The following SWT1 variants were observed in gnomAD, a reference collection of about 807,000 sequenced individuals.
SWT1 encodes the protein transcriptional protein SWT1.
Under a neutral mutation model 107.3 loss-of-function variants are expected in SWT1, and 33 were observed. That is an observed-to-expected ratio of 0.31 (90% CI 0.23 to 0.41). SWT1 has a LOEUF of 0.41. Among genes scored for constraint, SWT1 ranks in the 10% least tolerant of loss-of-function variants. The probability of loss-of-function intolerance (pLI) is 1.00; values close to 1 mark genes in which losing one functional copy is unlikely to be tolerated. For missense variants in SWT1, 898 were observed against 1,028.9 expected, an observed-to-expected ratio of 0.87 and a Z score of 1.74; for synonymous variants, 345 against 348.3, an observed-to-expected ratio of 0.99 and a Z score of 0.11.
rs1419219652 is a variant in SWT1 at position 185,246,652 on chromosome 1, G to T, written c.2441+14944G>T. Among the ~76,000 whole-genome samples the T allele has an allele frequency of 8.0e-4, 112 of 140,610 alleles. 1 individual carries two copies. The highest frequency in any genetic ancestry group is 3.5e-3 in the Middle Eastern group (1 of 282). 92.2% of individuals were successfully genotyped at this position (140,610 alleles called of 152,430 possible). A position where few individuals can be genotyped will look rare whatever the true frequency, so the allele number is the denominator to read the frequency against. ...TTTTTTTTTTTTTTTTTTAATAGAG[G>T]GGGGTCTCACTTTGTCATCCAGGCT... On this transcript the variant is annotated intron_variant, in intron 16 of 18. Coordinates refer to ENST00000367500, the MANE Select transcript of SWT1 (RefSeq NM_017673.7).
chr1:185,212,908 A>C (rs1386382608), intron 13 of SWT1, among the ~76,000 whole-genome samples: 1 of 152,134 alleles, frequency 6.6e-6, no homozygotes, highest in African/African-American at 2.4e-5. Flanking sequence ...CTGTTGAATT[A>C]TATATTTGTT....
chr1:185,237,621 A>G (rs1298477933), intron 16 of SWT1, among the ~76,000 whole-genome samples: 1 of 152,184 alleles, frequency 6.6e-6, no homozygotes, highest in East Asian at 1.9e-4. Flanking sequence ...TGGGTGCAGG[A>G]AACCACAATG....
intron 18 of SWT1, chr1:185,280,882 C>A (rs756162553): frequency 4.0e-4 from 184 of 462,926 alleles, no homozygotes; most frequent in Non-Finnish European, 7.0e-4. Flanking sequence ...TGGTCTACCC[C>A]CTGTTGCTTC....
At chr1:185,197,280 T>G (rs1487765788) in intron 10 of SWT1, among the ~76,000 whole-genome samples, 1 of 152,230 alleles carries the variant, frequency 6.6e-6, no homozygotes, top group African/African-American at 2.4e-5. Context: ...GATTTGCATA[T>G]GTTGAAGCAG....
intron 15 of SWT1, among the ~76,000 whole-genome samples, chr1:185,224,766 A>G (rs1272671945): frequency 1.3e-5 from 2 of 152,072 alleles, no homozygotes; most frequent in Non-Finnish European, 2.9e-5. Flanking sequence ...CAGATAGTTC[A>G]CTATTAGCAT....
chr1:185,287,366 A>G (rs1451914303), intron 18 of SWT1, among the ~76,000 whole-genome samples: 2 of 152,226 alleles, frequency 1.3e-5, no homozygotes, highest in Non-Finnish European at 1.5e-5. Context: ...TCGCAGAACC[A>G]GAAGCAACCT....
At chr1:185,272,120 A>G (rs1212225074) in intron 17 of SWT1, among the ~76,000 whole-genome samples, 1 of 152,224 alleles carries the variant, frequency 6.6e-6, no homozygotes, top group Non-Finnish European at 1.5e-5. Context: ...TCACAAAGGA[A>G]GAACTCCTGG....
intron 4 of SWT1, among the ~76,000 whole-genome samples, chr1:185,168,914 A>G (rs1307858710): frequency 1.3e-5 from 2 of 152,164 alleles, no homozygotes; most frequent in African/African-American, 4.8e-5. Context: ...ATTTCAGTGA[A>G]ATTTTGGTGC....
chr1:185,272,140 A>G (rs1300377896), intron 17 of SWT1, among the ~76,000 whole-genome samples: 1 of 152,232 alleles, frequency 6.6e-6, no homozygotes, highest in Non-Finnish European at 1.5e-5. Flanking sequence ...GTTGAGAAAT[A>G]GTTATTACTG....
chr1:185,273,693 ACT>A (rs1293844745), intron 17 of SWT1, among the ~76,000 whole-genome samples: 3 of 152,182 alleles, frequency 2.0e-5, no homozygotes, highest in Middle Eastern at 3.4e-3. Flanking sequence ...ACAGTGTGAG[ACT>A]CTGTCTCAAA....
chr1:185,269,118 C>T (rs1032282747), intron 16 of SWT1, among the ~76,000 whole-genome samples: 2 of 152,158 alleles, frequency 1.3e-5, no homozygotes, highest in African/African-American at 4.8e-5. Flanking sequence ...TCCCAAAGTG[C>T]TGGGATAACA....
At chr1:185,288,142 T>C (rs1481916466) in intron 18 of SWT1, among the ~76,000 whole-genome samples, 2 of 152,234 alleles carry the variant, frequency 1.3e-5, no homozygotes, top group Non-Finnish European at 2.9e-5. Context: ...AATCATTTTT[T>C]TGAGTAGTTG....
At chr1:185,168,201 G>A (rs1291257964) in intron 3 of SWT1, 139 bp from the exon 4 acceptor site, 1 of 478,330 alleles carries the variant, frequency 2.1e-6, no homozygotes, top group Non-Finnish European at 3.4e-6. Context: ...TGTGAAACGG[G>A]GATGATGATA....
chr1:185,174,064 T>C (rs1035825468), intron 4 of SWT1, among the ~76,000 whole-genome samples: 1 of 152,104 alleles, frequency 6.6e-6, no homozygotes, highest in Non-Finnish European at 1.5e-5. Flanking sequence ...TCCTCACTGG[T>C]TTTTAAGGGT....
intron 16 of SWT1, among the ~76,000 whole-genome samples, chr1:185,235,945 A>T (rs369854478): frequency 2.6e-5 from 4 of 152,234 alleles, no homozygotes; most frequent in Non-Finnish European, 5.9e-5. Context: ...CCCATTCACA[A>T]TTGCTACAAA....
intron 10 of SWT1, among the ~76,000 whole-genome samples, chr1:185,200,822 C>T (rs1372111657): frequency 2.0e-5 from 3 of 152,162 alleles, no homozygotes; most frequent in African/African-American, 4.8e-5. Context: ...CAGGCAGGAA[C>T]GTTTAAGTCT....
intron 15 of SWT1, among the ~76,000 whole-genome samples, chr1:185,225,708 C>A (rs1211469468): frequency 1.3e-5 from 2 of 152,146 alleles, no homozygotes; most frequent in East Asian, 3.8e-4. Context: ...GTCATACCAT[C>A]TAGGTTTATG....
At chr1:185,269,075 A>G (rs574054651) in intron 16 of SWT1, among the ~76,000 whole-genome samples, 1 of 151,890 alleles carries the variant, frequency 6.6e-6, no homozygotes, top group Admixed American at 6.6e-5. Context: ...GATGGTCTCG[A>G]TCTCCTGACC....
At chr1:185,282,937 A>G (rs1312818987) in intron 18 of SWT1, among the ~76,000 whole-genome samples, 1 of 152,142 alleles carries the variant, frequency 6.6e-6, no homozygotes, top group Non-Finnish European at 1.5e-5. Context: ...CTTCAGGTTC[A>G]ATTAATTTGC....
Sources: allele counts gnomAD v4.1 joint callset (sites outside exome capture counted in the v4.1 genomes callset), GRCh38; gene constraint gnomAD v4.1.1; transcripts MANE v1.5; gene names NCBI Gene and HGNC (gene_info 2026-07-23, HGNC 2026-07-21).